The following ITK variants were observed in gnomAD, a reference collection of about 807,000 sequenced individuals.
The protein encoded by ITK is tyrosine-protein kinase ITK/TSK.
A neutral mutation model predicts 87.6 loss-of-function variants in ITK; 45 were observed. The ratio of observed to expected loss-of-function variants is 0.51; its 90% CI spans 0.40 to 0.66. The LOEUF (loss-of-function observed/expected upper bound fraction) is 0.66, where lower values mean the gene tolerates loss of function less well. ITK is among the 30% of genes least tolerant of loss of function. ITK has a pLI of 0.00. For missense variants in ITK, 605 were observed against 766.3 expected (o/e 0.79, Z 2.48); for synonymous variants, 303 against 273.6 (o/e 1.11, Z -1.06).
chr5:157,185,958 A>G (rs1242307195), intron 1 of ITK, among the ~76,000 whole-genome samples: 3 of 152,234 alleles, frequency 2.0e-5, no homozygotes, highest in Non-Finnish European at 2.9e-5. Context: ...CACTTACTAC[A>G]TGTCCAACAC....
intron 13 of ITK, chr5:157,245,326 C>T (rs2113775639): frequency 2.9e-6 from 1 of 341,238 alleles, no homozygotes; most frequent in East Asian, 7.4e-5. Context: ...AGGTACTCTC[C>T]CTATTGAAGA....
intron 6 of ITK, among the ~76,000 whole-genome samples, chr5:157,226,109 A>G (rs1198991894): frequency 6.6e-6 from 1 of 152,240 alleles, no homozygotes; most frequent in African/African-American, 2.4e-5. Flanking sequence ...TACTCTTGTC[A>G]TATGAAGCTG....
chr5:157,213,515 C>T, intron 3 of ITK: 3 of 431,724 alleles, frequency 6.9e-6, no homozygotes, highest in South Asian at 5.1e-5. Flanking sequence ...GTAGCTGGGA[C>T]TACAGGTGCA....
intron 1 of ITK, among the ~76,000 whole-genome samples, chr5:157,189,558 G>A (rs1187741032): frequency 6.6e-6 from 1 of 152,242 alleles, no homozygotes; most frequent in African/African-American, 2.4e-5. Context: ...GCATATGCCT[G>A]TAATCTCAGC....
chr5:157,226,853 G>A (rs994065450), intron 6 of ITK, among the ~76,000 whole-genome samples: 1 of 152,190 alleles, frequency 6.6e-6, no homozygotes, highest in South Asian at 2.1e-4. Flanking sequence ...AGGCCAGAGT[G>A]CAGTGGCACG....
intron 8 of ITK, among the ~76,000 whole-genome samples, chr5:157,236,232 A>G (rs1187295639): frequency 6.6e-6 from 1 of 152,138 alleles, no homozygotes; most frequent in African/African-American, 2.4e-5. Context: ...AAAATTAGCC[A>G]GGCGTGGTGG....
chr5:157,244,625 G>T, intron 13 of ITK, 147 bp downstream of exon 13: 1 of 693,884 alleles, frequency 1.4e-6, no homozygotes, highest in South Asian at 1.5e-5. Flanking sequence ...ACTTTGGGTG[G>T]TCCTAGTGGA....
At chr5:157,239,688 T>C (rs955311881) in intron 9 of ITK, among the ~76,000 whole-genome samples, 24 of 152,158 alleles carry the variant, frequency 1.6e-4, no homozygotes, top group Non-Finnish European at 2.2e-4. Context: ...ATTTGACTTA[T>C]GAAGTCAAAT....
chr5:157,223,376 A>C (rs1477006265), intron 6 of ITK, among the ~76,000 whole-genome samples: 2 of 151,974 alleles, frequency 1.3e-5, no homozygotes, highest in Admixed American at 6.5e-5. Context: ...CTGAAGGTAC[A>C]TCCCATTAGG....
intron 8 of ITK, among the ~76,000 whole-genome samples, chr5:157,237,534 T>A (rs923490272): frequency 6.6e-6 from 1 of 152,182 alleles, no homozygotes; most frequent in Admixed American, 6.5e-5. Flanking sequence ...ATCTAAAAAA[T>A]TTTTAAAAGT....
intron 7 of ITK, 108 bp downstream of exon 7, chr5:157,228,469 C>G (rs1454076938): frequency 2.8e-6 from 2 of 725,766 alleles, no homozygotes; most frequent in Non-Finnish European, 5.0e-6. Context: ...CCTACTGCAA[C>G]AGCAATGTTC....
At chr5:157,208,727 C>T (rs766189688) in intron 1 of ITK, among the ~76,000 whole-genome samples, 162 bp from the exon 2 acceptor site, 1 of 152,116 alleles carries the variant, frequency 6.6e-6, no homozygotes, top group Non-Finnish European at 1.5e-5. Context: ...GAGTGTTTAT[C>T]CCACACTTAG....
chr5:157,192,235 C>A (rs1363186398), intron 1 of ITK, among the ~76,000 whole-genome samples: 1 of 152,068 alleles, frequency 6.6e-6, no homozygotes, highest in Admixed American at 6.6e-5. Context: ...TTAAGGGGTG[C>A]CAAAAGGTCT....
chr5:157,194,475 T>C (rs1335756514), intron 1 of ITK, among the ~76,000 whole-genome samples: 1 of 152,244 alleles, frequency 6.6e-6, no homozygotes, highest in Non-Finnish European at 1.5e-5. Context: ...GGGAAAGCTA[T>C]ATCCAAAGTG....
chr5:157,243,834 G>C, intron 12 of ITK, 40 bp downstream of exon 12: 1 of 1,586,180 alleles, frequency 6.3e-7, no homozygotes, highest in Non-Finnish European at 8.7e-7. Flanking sequence ...ACTCTGGGGG[G>C]AACATCGGTT....
chr5:157,207,989 G>A (rs1331857990), intron 1 of ITK, among the ~76,000 whole-genome samples: 2 of 152,136 alleles, frequency 1.3e-5, no homozygotes, highest in Admixed American at 1.3e-4. Context: ...GGATTGATTG[G>A]TAGTGGGTAT....
At chr5:157,204,418 G>C (rs1754039996) in intron 1 of ITK, among the ~76,000 whole-genome samples, 1 of 152,168 alleles carries the variant, frequency 6.6e-6, no homozygotes, top group African/African-American at 2.4e-5. Context: ...AAAAAATTGG[G>C]GACCAGCGCA....
chr5:157,246,862 A>G (rs1755029258), intron 15 of ITK, among the ~76,000 whole-genome samples: 1 of 152,214 alleles, frequency 6.6e-6, no homozygotes, highest in Admixed American at 6.5e-5. Flanking sequence ...CTGGTAGGCC[A>G]TCATAAGGAA....
At chr5:157,186,039 A>T (rs1753636135) in intron 1 of ITK, among the ~76,000 whole-genome samples, 1 of 152,146 alleles carries the variant, frequency 6.6e-6, no homozygotes, top group Admixed American at 6.5e-5. Flanking sequence ...TTATTACCCC[A>T]ATTTGTAGGT....
Sources: allele counts gnomAD v4.1 joint callset (sites outside exome capture counted in the v4.1 genomes callset), GRCh38; gene constraint gnomAD v4.1.1; transcripts MANE v1.5; gene names NCBI Gene and HGNC (gene_info 2026-07-23, HGNC 2026-07-21).